The following DEDD2 variants were observed in gnomAD, a reference collection of about 807,000 sequenced individuals.
The protein encoded by DEDD2 is death effector domain containing 2.
In DEDD2, 18 loss-of-function variants were observed where a neutral mutation model predicts 28.9. The observed-to-expected ratio is 0.62, with a 90% CI of 0.43 to 0.92. The LOEUF (loss-of-function observed/expected upper bound fraction) is 0.92, where lower values mean the gene tolerates loss of function less well. DEDD2 is among the 40% of genes least tolerant of loss of function. The pLI, the probability that DEDD2 is intolerant of heterozygous loss-of-function variation, is 0.00. For missense variants in DEDD2, 411 were observed against 463.3 expected (o/e 0.89, Z 1.04); for synonymous variants, 211 against 206.1 (o/e 1.02, Z -0.20).
At chr19:42,202,932 C>T (rs2035388648) in intron 4 of DEDD2, among the ~76,000 whole-genome samples, 1 of 152,226 alleles carries the variant, frequency 6.6e-6, no homozygotes, top group Admixed American at 6.5e-5. Flanking sequence ...TACCCCTCCC[C>T]AAAATAATCA....
At chr19:42,214,181 C>G (rs1052019730) in intron 3 of DEDD2, among the ~76,000 whole-genome samples, 14 of 152,270 alleles carry the variant, frequency 9.2e-5, no homozygotes, top group African/African-American at 3.1e-4. Context: ...GTGGCCAGGG[C>G]GCAGTGGCTC....
chr19:42,213,652 G>T (rs1432583962), intron 3 of DEDD2, among the ~76,000 whole-genome samples: 1 of 152,300 alleles, frequency 6.6e-6, no homozygotes, highest in East Asian at 1.9e-4. Flanking sequence ...AAGGGAAAGA[G>T]GGACGAGTTA....
Position 42,199,649 on chromosome 19 carries a change from G to A in DEDD2, c.770C>T (p.Ser257Phe). 1 of 1,614,136 alleles carries A rather than the reference G, an allele frequency of 6.2e-7. No homozygotes were observed. The highest frequency in any genetic ancestry group is 8.5e-7 in the Non-Finnish European group (1 of 1,179,982). ...GTCGCCCCAGAAGGCGTCCAGATAG[G>A]AGAGCTCTGAGAACTTGATGTCACA... ...VVCDIKFSEL[S>F]YLDAFWGDYL... The change falls in exon 5 of 5, where the codon TCC becomes TTC. Residue 257 changes from serine to phenylalanine, a missense_variant. By Grantham distance (155) the Ser-to-Phe change is radical (BLOSUM62 -2). Transcript: ENST00000596251. This position sits in a 1 kb window ranked among gnomAD's most constrained non-coding sequence, Gnocchi z 7.4.
At chr19:42,206,667 G>A (rs997097653) in intron 4 of DEDD2, among the ~76,000 whole-genome samples, 12 of 152,152 alleles carry the variant, frequency 7.9e-5, no homozygotes, top group Admixed American at 3.3e-4. Flanking sequence ...CAGATGTCCT[G>A]TGTCCAACCC....
intron 3 of DEDD2, among the ~76,000 whole-genome samples, chr19:42,211,228 TA>T (rs931961641): frequency 6.6e-6 from 1 of 151,854 alleles, no homozygotes; most frequent in South Asian, 2.1e-4. Context: ...AAATAAAATG[TA>T]AAAAAATTAG....
At chr19:42,206,537 TG>T (rs1041619941) in intron 4 of DEDD2, among the ~76,000 whole-genome samples, 4 of 152,216 alleles carry the variant, frequency 2.6e-5, no homozygotes, top group African/African-American at 9.6e-5. Flanking sequence ...CTCAGACTAG[TG>T]ACCGCCTTTC....
At chr19:42,208,665 T>C (rs563869740) in intron 4 of DEDD2, among the ~76,000 whole-genome samples, 2 of 152,306 alleles carry the variant, frequency 1.3e-5, no homozygotes, top group East Asian at 3.9e-4. Context: ...GGCCCCAGCC[T>C]GGCTCCTCCA....
upstream of DEDD2, among the ~76,000 whole-genome samples, chr19:42,219,901 G>A (rs543336663): frequency 5.9e-5 from 9 of 152,336 alleles, no homozygotes; most frequent in South Asian, 1.2e-3. Flanking sequence ...TGAGGTGGCT[G>A]TGACTCAAGC....
intron 4 of DEDD2, among the ~76,000 whole-genome samples, chr19:42,208,706 T>C (rs2035629831): frequency 6.6e-6 from 1 of 152,146 alleles, no homozygotes; most frequent in Non-Finnish European, 1.5e-5. Context: ...GTGGCACTTA[T>C]CATTGTCTAA....
At chr19:42,212,351 G>A (rs2035803997) in intron 3 of DEDD2, among the ~76,000 whole-genome samples, 1 of 152,008 alleles carries the variant, frequency 6.6e-6, no homozygotes, top group South Asian at 2.1e-4. Context: ...GGGTGACAGA[G>A]TGAGACTCCA....
At chr19:42,214,986 T>G in intron 3 of DEDD2, 147 bp downstream of exon 3, 1 of 1,218,340 alleles carries the variant, frequency 8.2e-7, no homozygotes, top group Non-Finnish European at 1.1e-6. Context: ...CAGAACAGAG[T>G]ATCTGTAGCA....
chr19:42,208,334 A>C (rs2035615266), intron 4 of DEDD2, among the ~76,000 whole-genome samples: 1 of 145,750 alleles, frequency 6.9e-6, no homozygotes, highest in Admixed American at 6.8e-5. Flanking sequence ...TTCCTAGGTC[A>C]CTTCTCCTCA....
chr19:42,215,819 T>C (rs551418564), intron 2 of DEDD2, among the ~76,000 whole-genome samples: 1 of 152,246 alleles, frequency 6.6e-6, no homozygotes, highest in Admixed American at 6.5e-5. Flanking sequence ...CCTCCCAGCT[T>C]CTCATGTGAA....
chr19:42,218,237 C>T (rs888978723), upstream of DEDD2, among the ~76,000 whole-genome samples: 2 of 151,560 alleles, frequency 1.3e-5, no homozygotes, highest in Admixed American at 1.3e-4. Flanking sequence ...CCCGCCCCCC[C>T]ACCACCACCC....
intron 3 of DEDD2, among the ~76,000 whole-genome samples, chr19:42,210,124 G>T (rs1280573474): frequency 6.6e-6 from 1 of 152,052 alleles, no homozygotes; most frequent in East Asian, 1.9e-4. Context: ...CACGACAACC[G>T]CCACCAGGGC....
chr19:42,210,925 C>T (rs939039429), intron 3 of DEDD2, among the ~76,000 whole-genome samples: 1 of 151,626 alleles, frequency 6.6e-6, no homozygotes, highest in African/African-American at 2.4e-5. Flanking sequence ...CAAAAATCAG[C>T]TGGGCGTGGT....
upstream of DEDD2, among the ~76,000 whole-genome samples, chr19:42,218,760 C>A (rs567666763): frequency 9.2e-5 from 14 of 152,360 alleles, no homozygotes; most frequent in Middle Eastern, 6.8e-3. Context: ...CGGCTGCGCG[C>A]GGTAGCTCAC....
At position 42,217,533 on chromosome 19, in the gene DEDD2, A is replaced by C. The variant is rs556546708; in HGVS notation, c.-39+99T>G. 293 of 154,512 alleles carry C rather than the reference A, an allele frequency of 1.9e-3. 4 individuals are homozygous for C. Among genetic ancestry groups the C allele is most frequent in the African/African-American group, 7.0e-3 (286 of 40,574 alleles). 9.6% of individuals were successfully genotyped at this position (154,512 alleles called of 1,614,324 possible). A position where few individuals can be genotyped will look rare whatever the true frequency, so the allele number is the denominator to read the frequency against. ...ACACAGGTGGTACCGTCCGAACCCG[A>C]CCCCCTCGCCCTGCAAGGGCGGCCC... On this transcript the variant is annotated intron_variant, in intron 1 of 4. Transcript: ENST00000596251.
At chr19:42,209,656 C>G (rs768506552) in intron 4 of DEDD2, 44 bp downstream of exon 4, 1 of 1,575,532 alleles carries the variant, frequency 6.3e-7, no homozygotes, top group Non-Finnish European at 8.6e-7. Flanking sequence ...TCTGAACCCA[C>G]CCGGGGCACT....
Sources: gnomAD v4.1 joint callset for allele counts (sites outside exome capture counted in the v4.1 genomes callset) on GRCh38, gnomAD v4.1.1 for gene constraint, Gnocchi (gnomAD v3.1) non-coding constraint, MANE v1.5 for transcripts, NCBI Gene and HGNC (gene_info 2026-07-23, HGNC 2026-07-21) for gene names.